Variants in OR2T12 observed in about 807,000 individuals in gnomAD.
The protein encoded by OR2T12 is olfactory receptor family 2 subfamily T member 12.
For missense variants in OR2T12, 335 were observed against 404.3 expected, an observed-to-expected ratio of 0.83 and a Z score of 1.47; for synonymous variants, 127 against 160.5, an observed-to-expected ratio of 0.79 and a Z score of 1.58.
rs1402737053 is a variant in OR2T12, at chr1:248,294,999, C to T, written c.580G>A (p.Glu194Lys). 11 of 1,610,532 alleles carry T rather than the reference C, an allele frequency of 6.8e-6. No individual in the cohort carries two copies. Among genetic ancestry groups the T allele is most frequent in the African/African-American group, 5.4e-5 (4 of 74,342 alleles). The change falls in exon 3 of 3, where the codon GAA becomes AAA. Residue 194 changes from glutamate (E) to lysine (K), a missense_variant. Glu to Lys is a moderately conservative substitution (Grantham distance 56, BLOSUM62 1). Coordinates refer to ENST00000641276, the MANE Select transcript of OR2T12 (RefSeq NM_001004692.2). ...ACACAGCAGATGTACATGGCGTTTT[C>T]GAAGACTGAAGTGTCAGCACAAGCC... ...RLACADTSVF[E>K]NAMYICCVLM...
intron 2 of OR2T12, among the ~76,000 whole-genome samples, chr1:248,299,403 A>G (rs1195694951): frequency 1.3e-5 from 2 of 152,106 alleles, no homozygotes; most frequent in South Asian, 2.1e-4. Context: ...CTGATAAAAC[A>G]GACTTTAAAC....
rs1302212065 is a variant in OR2T12 at position 248,293,315 on chromosome 1, C to T, written c.*1301G>A. Reference sequence around the variant, plus strand: ...GAAATGGCGGGTTAACTTTCAGACACTTATATTGAAGATACATTGTCCCTG... The same window carrying T: ...GAAATGGCGGGTTAACTTTCAGACATTTATATTGAAGATACATTGTCCCTG... On this transcript the variant is annotated 3_prime_UTR_variant, in exon 3 of 3. Transcript: ENST00000641276. 2.0e-5 allele frequency: 3 copies of T among 152,100 alleles called. No homozygotes were observed. Among genetic ancestry groups the T allele is most frequent in the East Asian group, 3.8e-4 (2 of 5,198 alleles). 9.4% of individuals were successfully genotyped at this position (152,100 alleles called of 1,614,324 possible).
Position 248,294,830 on chromosome 1 carries a change from TAA to T in OR2T12, c.747_748del (p.Phe249LeufsTer18), listed in dbSNP as rs145414211. On this transcript the variant is annotated frameshift_variant, in exon 3 of 3. Transcript: ENST00000641276. LOFTEE classifies it low-confidence loss of function (END_TRUNC). ...CATATAGGTAAAAATGCCAGCTCCA[TAA>T]AAGAGTCCCACCACAGCCACATGTG... 6,661 of 1,613,162 alleles carry T rather than the reference TAA, an allele frequency of 4.1e-3. 221 individuals are homozygous for T. In the East Asian group the frequency reaches 0.07, roughly 17 times the overall value.
Position 248,295,458 on chromosome 1 carries a change from C to A in OR2T12, c.121G>T (p.Ala41Ser), listed in dbSNP as rs12135684. ...CAGTGAATCAGGAGAATCATGAGGG[C>A]ATTGCTAAACAGGGAGGTCAAAACG... Reference protein sequence around the residue: ...ATVLTSLFSNALMILLIHWDH... With the variant: ...ATVLTSLFSNSLMILLIHWDH... The change falls in exon 3 of 3, where the codon GCC becomes TCC. Residue 41 changes from alanine to serine, a missense_variant. Physicochemically the swap from Ala to Ser is moderately conservative, Grantham distance 99. Transcript: ENST00000641276. 309,832 of 1,598,880 alleles carry A rather than the reference C, an allele frequency of 0.19. 33,347 individuals carry two copies. Among genetic ancestry groups the A allele is most frequent in the East Asian group, 0.35 (15,784 of 44,722 alleles).
chr1:248,300,391 G>T (rs1268607295), intron 2 of OR2T12, among the ~76,000 whole-genome samples: 2 of 152,014 alleles, frequency 1.3e-5, no homozygotes, highest in African/African-American at 2.4e-5. Flanking sequence ...AACAAATCAA[G>T]AACTTGGATA....
chr1:248,302,379 C>T (rs1420105750), intron 1 of OR2T12, among the ~76,000 whole-genome samples: 4 of 151,910 alleles, frequency 2.6e-5, no homozygotes, highest in South Asian at 2.1e-4. Context: ...GTAATTTAAA[C>T]ATATATACAT....
chr1:248,291,431 A>T lies in OR2T12; in HGVS notation c.*3185T>A. The T allele has an allele frequency of 6.6e-6, 1 of 152,172 alleles. No homozygotes were observed. Among genetic ancestry groups the T allele is most frequent in the Admixed American group, 6.5e-5 (1 of 15,274 alleles). The allele number at this position is 152,172 out of a possible 1,614,324, so 9.4% of individuals were successfully genotyped here. On this transcript the variant is annotated 3_prime_UTR_variant, in exon 3 of 3. Transcript: ENST00000641276. ...AGAACTACAAACCACTGCTCAAGGAAATAAGAGAGGACACAAACAAATGAA... is the reference window on the plus strand; with the variant it reads ...AGAACTACAAACCACTGCTCAAGGATATAAGAGAGGACACAAACAAATGAA...
rs267598501 is a variant in OR2T12 at position 248,294,774 on chromosome 1, C to T, written c.805G>A (p.Asp269Asn). The T allele has an allele frequency of 4.3e-6, 7 of 1,613,804 alleles. No homozygotes were observed. Among genetic ancestry groups the T allele is most frequent in the Non-Finnish European group, 5.1e-6 (6 of 1,179,944 alleles). ...GTATAGAAGGCTGACACAACCTTAT[C>T]GTGGTTAGTGGACCTGTGGGATTTG... Reference protein sequence around the residue: ...RPKSHRSTNHDKVVSAFYTMF... With the variant: ...RPKSHRSTNHNKVVSAFYTMF... Residue 269 changes from aspartate (D) to asparagine (N), a missense_variant, in exon 3 of 3, where the codon GAT becomes AAT. Asp to Asn is a conservative substitution (Grantham distance 23, BLOSUM62 1). Coordinates refer to ENST00000641276, the MANE Select transcript of OR2T12 (RefSeq NM_001004692.2).
chr1:248,294,702 TG>T lies in OR2T12; in HGVS notation c.876del (p.Asn292LysfsTer8), dbSNP rs751481358. The T allele has an allele frequency of 2.5e-6, 4 of 1,614,138 alleles. No individual in the cohort carries two copies. In the African/African-American group the frequency reaches 5.3e-5, roughly 22 times the overall value. On this transcript the variant is annotated frameshift_variant, in exon 3 of 3. Transcript: ENST00000641276. LOFTEE classifies it low-confidence loss of function (END_TRUNC). The stretch of plus-strand genomic sequence containing the variant: ...CGTTTCAGGGCTTCCTTGACCTCAC[TG>T]TTCCTCACACTGTAGATGAGGGGAT... Reference protein sequence around the residue: ...LLNPLIYSVRNSEVKEALKRW... With the variant: ...LLNPLIYSVRXSEVKEALKRW...
rs550852711 is a variant in OR2T12, at chr1:248,296,720, ATTTG to A, written c.-8-1138_-8-1135del. ...TGGGGTTGTTTGTTTTTTCTCGTAA[ATTTG>A]TTTGAGTTCATTGTAGATTCTGGAT... On this transcript the variant is annotated intron_variant, in intron 2 of 2. Coordinates refer to ENST00000641276, the MANE Select transcript of OR2T12 (RefSeq NM_001004692.2). Among the ~76,000 whole-genome samples, 820 of 152,052 alleles carry A rather than the reference ATTTG, an allele frequency of 5.4e-3. 8 individuals carry two copies. Among genetic ancestry groups the A allele is most frequent in the African/African-American group, 0.019 (791 of 41,458 alleles).
chr1:248,299,480 A>C (rs1284797433), intron 2 of OR2T12, among the ~76,000 whole-genome samples: 1 of 152,154 alleles, frequency 6.6e-6, no homozygotes, highest in Non-Finnish European at 1.5e-5. Context: ...CAACAAGAAG[A>C]GCTAACTATC....
At position 248,291,964 on chromosome 1, in the gene OR2T12, C is replaced by T. The variant is rs1659640268; in HGVS notation, c.*2652G>A. On this transcript the variant is annotated 3_prime_UTR_variant, in exon 3 of 3. Coordinates refer to ENST00000641276, the MANE Select transcript of OR2T12 (RefSeq NM_001004692.2). ...GAAGACTTAAACATAAAACATAAAA[C>T]CATAAAAACCCTAGAAGAAAACCTA... The T allele has an allele frequency of 1.3e-5, 2 of 152,196 alleles. No individual in the cohort carries two copies. The highest frequency in any genetic ancestry group is 3.4e-3 in the Middle Eastern group (1 of 294). 9.4% of individuals were successfully genotyped at this position (152,196 alleles called of 1,614,324 possible).
chr1:248,299,508 C>T (rs1468986736), intron 2 of OR2T12, among the ~76,000 whole-genome samples: 1 of 152,104 alleles, frequency 6.6e-6, no homozygotes, highest in African/African-American at 2.4e-5. Flanking sequence ...TATATGCACC[C>T]AATACAGGAG....
At chr1:248,296,525 T>G (rs1659730981) in intron 2 of OR2T12, among the ~76,000 whole-genome samples, 1 of 152,182 alleles carries the variant, frequency 6.6e-6, no homozygotes, top group African/African-American at 2.4e-5. Flanking sequence ...TGTTGTTTCC[T>G]GACTTTTTAA....
rs776902118 is a variant in OR2T12 at position 248,294,749 on chromosome 1, G to C, written c.830C>G (p.Thr277Ser). ...GGGATTTAGTAAAGGGGTGAACATA[G>C]TATAGAAGGCTGACACAACCTTATC... is the stretch of plus-strand genomic sequence containing the variant. ...NHDKVVSAFYTMFTPLLNPLI... is the reference protein window; with the variant it reads ...NHDKVVSAFYSMFTPLLNPLI... The change falls in exon 3 of 3, where the codon ACT becomes AGT. Residue 277 changes from threonine (T) to serine (S), a missense_variant. By Grantham distance (58) the Thr-to-Ser change is moderately conservative (BLOSUM62 1). Transcript: ENST00000641276. The C allele has an allele frequency of 3.2e-5, 52 of 1,613,730 alleles. No homozygotes were observed. Among genetic ancestry groups the C allele is most frequent in the African/African-American group, 2.1e-4 (16 of 74,870 alleles).
At chr1:248,300,827 A>G (rs190523437) in intron 2 of OR2T12, among the ~76,000 whole-genome samples, 8 of 152,068 alleles carry the variant, frequency 5.3e-5, no homozygotes, top group African/African-American at 9.6e-5. Flanking sequence ...GCTTCTCCCT[A>G]TGCTTCTTTT....
rs183011872 is a variant in OR2T12 at position 248,291,538 on chromosome 1, C to G, written c.*3078G>C. On this transcript the variant is annotated 3_prime_UTR_variant, in exon 3 of 3. Transcript: ENST00000641276. ...CCCAAAGTAATTAATACATTCAGTG[C>G]TATCCCCATCAAGCTACCATAGACT... The G allele has an allele frequency of 9.9e-5, 15 of 152,212 alleles. No homozygotes were observed. Among genetic ancestry groups the G allele is most frequent in the Admixed American group, 6.5e-4 (10 of 15,292 alleles). 9.4% of individuals were successfully genotyped at this position (152,212 alleles called of 1,614,324 possible).
intron 2 of OR2T12, among the ~76,000 whole-genome samples, chr1:248,295,952 C>G (rs1201257278): frequency 2.0e-5 from 3 of 151,768 alleles, no homozygotes; most frequent in Non-Finnish European, 2.9e-5. Flanking sequence ...GCGCTGCACC[C>G]ACTAACTCCT....
Position 248,294,908 on chromosome 1 carries a change from A to G in OR2T12, c.671T>C (p.Leu224Pro), listed in dbSNP as rs547373783. The G allele has an allele frequency of 1.2e-6, 2 of 1,612,024 alleles. No individual in the cohort carries two copies. Among genetic ancestry groups the G allele is most frequent in the Admixed American group, 3.3e-5 (2 of 60,002 alleles). ...GCGGGCTTCTGTAGAGCGCATGAGC[A>G]GAACAGCAGCGAGGATGAGACCATA... ...SSYGLILAAVLLMRSTEARKK... is the reference protein window; with the variant it reads ...SSYGLILAAVPLMRSTEARKK... The change falls in exon 3 of 3, where the codon CTG becomes CCG. Residue 224 changes from leucine (L) to proline (P), a missense_variant. Transcript: ENST00000641276.
Sources: gnomAD v4.1 joint callset for allele counts (sites outside exome capture counted in the v4.1 genomes callset) on GRCh38, gnomAD v4.1.1 for gene constraint, MANE v1.5 for transcripts, NCBI Gene and HGNC (gene_info 2026-07-23, HGNC 2026-07-21) for gene names.